Variants in NCKAP5 observed in about 807,000 individuals in gnomAD.
NCKAP5 encodes nck-associated protein 5.
NCKAP5 carries 92 observed loss-of-function variants against 167.0 expected under a neutral mutation model. The observed-to-expected ratio is 0.55, with a 90% confidence interval of 0.47 to 0.66. NCKAP5 has a LOEUF of 0.66. NCKAP5 is among the 30% of genes least tolerant of loss of function. The pLI, the probability that NCKAP5 is intolerant of heterozygous loss-of-function variation, is 0.00. For missense variants in NCKAP5, 2,378 were observed against 2,315.0 expected (o/e 1.03, Z -0.56); for synonymous variants, 891 against 877.4 (o/e 1.02, Z -0.27).
At chr2:133,040,647 TC>T (rs2149453135) in intron 6 of NCKAP5, among the ~76,000 whole-genome samples, 1 of 152,296 alleles carries the variant, frequency 6.6e-6, no homozygotes, top group African/African-American at 2.4e-5. Context: ...AAAACTGTTT[TC>T]AAAAATGAGA....
At chr2:132,990,935 T>TGAGCAAATGAAC (rs1329044304) in intron 7 of NCKAP5, among the ~76,000 whole-genome samples, 1 of 152,176 alleles carries the variant, frequency 6.6e-6, no homozygotes, top group African/African-American at 2.4e-5. Context: ...AATGAATGAA[T>TGAGCAAATGAAC]GAGCAAATGA....
intron 4 of NCKAP5, among the ~76,000 whole-genome samples, chr2:133,252,909 A>G (rs1187619661): frequency 6.6e-6 from 1 of 152,226 alleles, no homozygotes; most frequent in Non-Finnish European, 1.5e-5. Context: ...ACAACCCTTT[A>G]CCATTGTCCT....
chr2:133,603,923 C>T, the NCKAP5 span, among the ~76,000 whole-genome samples: 3 of 152,236 alleles, frequency 2.0e-5, no homozygotes, highest in African/African-American at 7.2e-5. Context: ...TTACTGAGAG[C>T]CTGCCACCAA....
chr2:132,888,600 A>G (rs1251568129), intron 8 of NCKAP5, among the ~76,000 whole-genome samples: 2 of 152,100 alleles, frequency 1.3e-5, no homozygotes, highest in Non-Finnish European at 2.9e-5. Context: ...CATGTTGGTC[A>G]GCCTGGTCTT....
Position 132,773,788 on chromosome 2 carries a change from A to G in NCKAP5, c.5128+28T>C, listed in dbSNP as rs778188989. 7.1e-6 allele frequency: 11 copies of G among 1,551,098 alleles called. No homozygotes were observed. The East Asian group carries it at 2.5e-4, about 35-fold the overall frequency. On this transcript the variant is annotated intron_variant, in intron 16 of 19. Transcript: ENST00000409261. ...GATACATTTAGAATAAGTCTCCATA[A>G]AAGACATATGAATATGTGAATTTTT...
At chr2:133,593,852 G>A in the NCKAP5 span, among the ~76,000 whole-genome samples, 1 of 152,152 alleles carries the variant, frequency 6.6e-6, no homozygotes, top group African/African-American at 2.4e-5. Context: ...ATGTGCATAG[G>A]GGATGCAGCC....
intron 19 of NCKAP5, among the ~76,000 whole-genome samples, chr2:132,686,561 C>T (rs1017146574): frequency 6.6e-6 from 1 of 152,180 alleles, no homozygotes; most frequent in Non-Finnish European, 1.5e-5. Flanking sequence ...CAGAACACAC[C>T]TGGCATATAG....
chr2:132,675,405 G>A (rs1294182310), intron 19 of NCKAP5, among the ~76,000 whole-genome samples: 1 of 152,192 alleles, frequency 6.6e-6, no homozygotes, highest in Non-Finnish European at 1.5e-5. Flanking sequence ...ACAGTAGTGG[G>A]TGTGCAATAA....
At chr2:132,878,664 A>C (rs1293282418) in intron 9 of NCKAP5, among the ~76,000 whole-genome samples, 184 bp downstream of exon 9, 19 of 144,028 alleles carry the variant, frequency 1.3e-4, no homozygotes, top group African/African-American at 4.6e-4. Flanking sequence ...ACGCACGCAT[A>C]CACACACACA....
intron 4 of NCKAP5, among the ~76,000 whole-genome samples, chr2:133,247,919 G>A (rs1352701430): frequency 6.6e-6 from 1 of 152,190 alleles, no homozygotes; most frequent in Non-Finnish European, 1.5e-5. Context: ...AAAGGGAATT[G>A]GAAATTGTAA....
intron 8 of NCKAP5, among the ~76,000 whole-genome samples, chr2:132,923,579 T>C (rs763976511): frequency 5.0e-4 from 76 of 152,168 alleles, no homozygotes; most frequent in Non-Finnish European, 9.8e-4. Flanking sequence ...TTCCTTCTAA[T>C]TGGGACAAAA....
At chr2:133,028,893 G>C (rs535117520) in intron 6 of NCKAP5, among the ~76,000 whole-genome samples, 1 of 151,970 alleles carries the variant, frequency 6.6e-6, no homozygotes, top group African/African-American at 2.4e-5. Flanking sequence ...CATGAGATCT[G>C]GTCCTTTAAA....
chr2:133,560,830 C>G (rs1003208232), intron 1 of NCKAP5, among the ~76,000 whole-genome samples: 1 of 152,180 alleles, frequency 6.6e-6, no homozygotes, highest in African/African-American at 2.4e-5. Context: ...GAGTAAGGCT[C>G]ACTGAAATGT....
intron 18 of NCKAP5, among the ~76,000 whole-genome samples, chr2:132,728,324 C>T (rs1375632596): frequency 6.6e-6 from 1 of 152,072 alleles, no homozygotes; most frequent in East Asian, 1.9e-4. Context: ...GATGAAGAAC[C>T]CACTGCAAAA....
At chr2:132,884,578 G>T (rs536980337) in intron 8 of NCKAP5, among the ~76,000 whole-genome samples, 4 of 152,176 alleles carry the variant, frequency 2.6e-5, no homozygotes, top group Non-Finnish European at 5.9e-5. Flanking sequence ...ATCTAAAAGC[G>T]ATTTCCAGTT....
At chr2:133,040,696 T>G (rs2079187992) in intron 6 of NCKAP5, among the ~76,000 whole-genome samples, 1 of 152,172 alleles carries the variant, frequency 6.6e-6, no homozygotes, top group African/African-American at 2.4e-5. Flanking sequence ...TGCAAACTTT[T>G]GAAAGAATAA....
intron 3 of NCKAP5, among the ~76,000 whole-genome samples, chr2:133,470,479 G>T (rs528405610): frequency 5.3e-5 from 8 of 152,328 alleles, no homozygotes; most frequent in South Asian, 2.1e-4. Flanking sequence ...TCTGTGCCCT[G>T]CCCCCAGAGG....
At chr2:132,841,876 G>A (rs10182001) in intron 11 of NCKAP5, among the ~76,000 whole-genome samples, 32,243 of 151,938 alleles carry the variant, frequency 0.21, 3,799 homozygotes, top group African/African-American at 0.33. Context: ...TTAGTATAAT[G>A]TATCTTTAAA....
intron 3 of NCKAP5, among the ~76,000 whole-genome samples, chr2:133,495,661 A>G (rs1214065784): frequency 6.6e-6 from 1 of 152,218 alleles, no homozygotes; most frequent in African/African-American, 2.4e-5. Flanking sequence ...ACAGGATGAT[A>G]TAGAAGGATT....
Sources: gnomAD v4.1 joint callset for allele counts (sites outside exome capture counted in the v4.1 genomes callset) on GRCh38, gnomAD v4.1.1 for gene constraint, MANE v1.5 for transcripts, NCBI Gene and HGNC (gene_info 2026-07-23, HGNC 2026-07-21) for gene names.